The following PSMD1 variants were observed in gnomAD, a reference collection of about 807,000 sequenced individuals.
The protein encoded by PSMD1 is proteasome 26S subunit, non-ATPase 1, also known as 26S proteasome non-ATPase regulatory subunit 1.
Under a neutral mutation model 119.0 loss-of-function variants are expected in PSMD1, and 18 were observed. That is an observed-to-expected ratio of 0.15 (90% CI 0.10 to 0.22). The LOEUF (loss-of-function observed/expected upper bound fraction) is 0.22, where lower values mean the gene tolerates loss of function less well. Ranked by LOEUF, PSMD1 falls within the 10% of genes least tolerant of loss-of-function variation. The pLI, the probability that PSMD1 is intolerant of heterozygous loss-of-function variation, is 1.00. For synonymous variants in PSMD1, 374 were observed against 396.6 expected (o/e 0.94, Z 0.68); for missense variants, 702 against 1,158.5 (o/e 0.61, Z 5.72).
At chr2:231,165,729 T>C (rs1696763354) in intron 22 of PSMD1, 142 bp from the exon 23 acceptor site, 1 of 678,768 alleles carries the variant, frequency 1.5e-6, no homozygotes, top group African/African-American at 1.8e-5. Context: ...CCTCTGAGTC[T>C]GATAGCACTT....
intron 16 of PSMD1, among the ~76,000 whole-genome samples, chr2:231,126,569 C>A (rs1043999812): frequency 6.6e-6 from 1 of 152,216 alleles, no homozygotes; most frequent in Non-Finnish European, 1.5e-5. Context: ...TTGAAAATAG[C>A]AGCACCATTT....
At position 231,156,104 on chromosome 2, in the gene PSMD1, T is replaced by G. The variant is rs1438814237; in HGVS notation, c.2218+2438T>G. 2.0e-5 allele frequency among the ~76,000 whole-genome samples: 3 copies of G among 152,280 alleles called. No individual in the cohort carries two copies. The East Asian group carries it at 5.8e-4, about 29-fold the overall frequency. Reference sequence around the variant, plus strand: ...TAAATGGATTCAGTGCCCATTTCTTTTATTGCAGCTTTTTCATTCTTAGGT... The same window carrying G: ...TAAATGGATTCAGTGCCCATTTCTTGTATTGCAGCTTTTTCATTCTTAGGT... On this transcript the variant is annotated intron_variant, in intron 19 of 24. Coordinates refer to ENST00000308696, the MANE Select transcript of PSMD1 (RefSeq NM_002807.4).
At chr2:231,066,129 G>A (rs527979859) in intron 4 of PSMD1, among the ~76,000 whole-genome samples, 37 of 152,294 alleles carry the variant, frequency 2.4e-4, no homozygotes, top group African/African-American at 8.4e-4. Flanking sequence ...CATGATGTTT[G>A]CACAATGATG....
intron 16 of PSMD1, among the ~76,000 whole-genome samples, chr2:231,113,238 C>T (rs894813930): frequency 2.0e-5 from 3 of 152,140 alleles, no homozygotes; most frequent in Admixed American, 6.5e-5. Flanking sequence ...CACATATGTA[C>T]AGAAATGTTG....
rs1696293463 is a variant in PSMD1 at position 231,148,303 on chromosome 2, A to C, written c.2115+1947A>C. On this transcript the variant is annotated intron_variant, in intron 18 of 24. Transcript: ENST00000308696. ...CCTCCTCTAACAGTAATACATAGAC[A>C]TTCACTTTGACCCCACATGTTGCTT... is the stretch of plus-strand genomic sequence containing the variant. Among the ~76,000 whole-genome samples the C allele has an allele frequency of 3.9e-5, 6 of 152,350 alleles. No homozygotes were observed. The South Asian group carries it at 1.2e-3, about 32-fold the overall frequency.
At position 231,142,568 on chromosome 2, in the gene PSMD1, C is replaced by A. The variant is rs192640820; in HGVS notation, c.1999-3672C>A. Among the ~76,000 whole-genome samples the A allele has an allele frequency of 4.4e-3, 669 of 151,972 alleles. 5 individuals carry two copies. The highest frequency in any genetic ancestry group is 0.015 in the African/African-American group (625 of 41,412). On this transcript the variant is annotated intron_variant, in intron 17 of 24. Transcript: ENST00000308696. The stretch of plus-strand genomic sequence containing the variant: ...TTTTTTATTACTCATACTAAACAAG[C>A]CTTTATTTCTAGATAATTTATGTGA...
At chr2:231,109,388 A>G in intron 16 of PSMD1, 3 of 1,614,124 alleles carry the variant, frequency 1.9e-6, no homozygotes, top group Non-Finnish European at 2.5e-6. Context: ...TATCCCTTTA[A>G]TAGGGACTGG....
intron 16 of PSMD1, among the ~76,000 whole-genome samples, chr2:231,091,026 G>C (rs190680647): frequency 1.9e-4 from 29 of 152,288 alleles, no homozygotes; most frequent in African/African-American, 6.5e-4. Flanking sequence ...GACCCTGGCC[G>C]AGTGATAGAT....
chr2:231,061,201 CCAGGTGTTAATTTCCACTT>C (rs1193880920), intron 1 of PSMD1, 47 bp from the exon 2 acceptor site: 1 of 1,268,650 alleles, frequency 7.9e-7, no homozygotes, highest in East Asian at 2.4e-5. Flanking sequence ...GTATTTTTGA[CCAGGTGTTAATTTCCACTT>C]TAGTGAGAAT....
chr2:231,152,205 C>T (rs1466575411), intron 18 of PSMD1, among the ~76,000 whole-genome samples: 1 of 152,090 alleles, frequency 6.6e-6, no homozygotes, highest in Non-Finnish European at 1.5e-5. Flanking sequence ...AAGTAAGTGA[C>T]TTAAGTGGTT....
intron 18 of PSMD1, among the ~76,000 whole-genome samples, chr2:231,152,826 A>C (rs1231509258): frequency 6.6e-6 from 1 of 152,236 alleles, no homozygotes; most frequent in African/African-American, 2.4e-5. Flanking sequence ...GACATAGAAG[A>C]AGCATAAAAT....
chr2:231,172,692 T>A lies in PSMD1; in HGVS notation c.*167T>A, dbSNP rs1393754718. The A allele has an allele frequency of 6.6e-6, 1 of 152,200 alleles. No individual in the cohort carries two copies. The highest frequency in any genetic ancestry group is 2.4e-5 in the African/African-American group (1 of 41,456). The allele number at this position is 152,200 out of a possible 1,614,324, so 9.4% of individuals were successfully genotyped here. ...AGTCTTTGGTTGAAGAGAAGATATA[T>A]GACTGTTGAGTGTGCTCTTTCACAG... is the stretch of plus-strand genomic sequence containing the variant. On this transcript the variant is annotated 3_prime_UTR_variant, in exon 25 of 25. Transcript: ENST00000308696.
At chr2:231,150,765 C>T (rs901902315) in intron 18 of PSMD1, among the ~76,000 whole-genome samples, 1 of 152,052 alleles carries the variant, frequency 6.6e-6, no homozygotes, top group African/African-American at 2.4e-5. Context: ...GAATTACAGA[C>T]ATATATTTGA....
intron 16 of PSMD1, among the ~76,000 whole-genome samples, chr2:231,105,471 A>T (rs910616099): frequency 4.6e-5 from 7 of 152,210 alleles, no homozygotes; most frequent in Non-Finnish European, 1.0e-4. Flanking sequence ...AAAATGAAGA[A>T]AGTCAAAAGA....
At position 231,130,088 on chromosome 2, in the gene PSMD1, G is replaced by A. The variant is rs182788007; in HGVS notation, c.1884-8648G>A. ...GGCTGGTCTCAAACTCCTGACCTCA[G>A]GTGAGCCACCACACCCGGCCAATGG... is the stretch of plus-strand genomic sequence containing the variant. On this transcript the variant is annotated intron_variant, in intron 16 of 24. Transcript: ENST00000308696. Among the ~76,000 whole-genome samples the A allele has an allele frequency of 1.3e-4, 20 of 152,174 alleles. No homozygotes were observed. The East Asian group carries it at 3.9e-3, about 29-fold the overall frequency.
intron 1 of PSMD1, 98 bp downstream of exon 1, chr2:231,057,139 C>A: frequency 7.2e-7 from 1 of 1,389,852 alleles, no homozygotes; most frequent in South Asian, 1.5e-5. Flanking sequence ...CCCGGCGGAA[C>A]GCCGGCCTGG....
Position 231,066,894 on chromosome 2 carries a change from T to C in PSMD1, c.305-12T>C, listed in dbSNP as rs764827045. 1.3e-5 allele frequency: 20 copies of C among 1,568,626 alleles called. No homozygotes were observed. The highest frequency in any genetic ancestry group is 1.6e-5 in the Non-Finnish European group (19 of 1,161,650). ...ATTTACAAGATAATCAGTTATTTTA[T>C]TTCCTCAACAGCAAAATGCATTGAT... On this transcript the variant is annotated splice_polypyrimidine_tract_variant and intron_variant, in intron 4 of 24. Coordinates refer to ENST00000308696, the MANE Select transcript of PSMD1 (RefSeq NM_002807.4).
intron 16 of PSMD1, among the ~76,000 whole-genome samples, chr2:231,099,858 G>A (rs1694820857): frequency 6.6e-6 from 1 of 152,112 alleles, no homozygotes; most frequent in African/African-American, 2.4e-5. Context: ...CCTCCCCCTT[G>A]CGGCTTTCTT....
Position 231,079,287 on chromosome 2 carries a change from T to C in PSMD1, c.1161-249T>C, listed in dbSNP as rs138859775. Among the ~76,000 whole-genome samples the C allele has an allele frequency of 1.3e-3, 196 of 152,276 alleles. 1 individual carries two copies. The East Asian group carries it at 0.023, about 18-fold the overall frequency. On this transcript the variant is annotated intron_variant, in intron 10 of 24. Coordinates refer to ENST00000308696, the MANE Select transcript of PSMD1 (RefSeq NM_002807.4). The stretch of plus-strand genomic sequence containing the variant: ...TGATTATAGGCTCTTGAAGGAAATA[T>C]ATTAAGCTCTAAAATTTTATATAAT...
Sources: gnomAD v4.1 joint callset for allele counts (sites outside exome capture counted in the v4.1 genomes callset) on GRCh38, gnomAD v4.1.1 for gene constraint, MANE v1.5 for transcripts, NCBI Gene and HGNC (gene_info 2026-07-23, HGNC 2026-07-21) for gene names.